The following HS3ST4 variants were observed in gnomAD, a reference collection of about 807,000 sequenced individuals.
The protein encoded by HS3ST4 is heparan sulfate glucosamine 3-O-sulfotransferase 4.
A neutral mutation model predicts 29.2 loss-of-function variants in HS3ST4; 17 were observed. The observed-to-expected ratio is 0.58, with a 90% CI of 0.40 to 0.87. The LOEUF is 0.87. HS3ST4 is among the 40% of genes least tolerant of loss of function. The pLI is 0.00. For missense variants in HS3ST4, 627 were observed against 634.5 expected (o/e 0.99, Z 0.13); for synonymous variants, 314 against 285.7 (o/e 1.10, Z -1.00).
At chr16:26,027,714 A>G (rs1385030615) in intron 1 of HS3ST4, among the ~76,000 whole-genome samples, 1 of 152,262 alleles carries the variant, frequency 6.6e-6, no homozygotes, top group East Asian at 1.9e-4. Flanking sequence ...CTAGGACCAT[A>G]ATAATCACAG....
intron 1 of HS3ST4, among the ~76,000 whole-genome samples, chr16:25,719,127 G>T (rs550816195): frequency 6.6e-6 from 1 of 152,202 alleles, no homozygotes; most frequent in Non-Finnish European, 1.5e-5. Context: ...TCTTAACATC[G>T]TGAGAGCTAG....
chr16:26,071,845 A>C (rs905497285), intron 1 of HS3ST4, among the ~76,000 whole-genome samples: 12 of 152,124 alleles, frequency 7.9e-5, no homozygotes, highest in African/African-American at 2.7e-4. Flanking sequence ...CCTCCCCTGG[A>C]ATGCACCTTT....
At chr16:26,016,725 T>C (rs1356291429) in intron 1 of HS3ST4, among the ~76,000 whole-genome samples, 1 of 152,220 alleles carries the variant, frequency 6.6e-6, no homozygotes, top group African/African-American at 2.4e-5. Context: ...TCAGGGAGTA[T>C]ATACTCTACT....
At chr16:26,065,712 G>A (rs141614905) in intron 1 of HS3ST4, among the ~76,000 whole-genome samples, 1 of 152,190 alleles carries the variant, frequency 6.6e-6, no homozygotes, top group Non-Finnish European at 1.5e-5. Context: ...AAGAGATAAA[G>A]AGGGAGAGGA....
intron 1 of HS3ST4, among the ~76,000 whole-genome samples, chr16:25,935,067 C>T (rs1968505649): frequency 6.6e-6 from 1 of 152,028 alleles, no homozygotes; most frequent in Non-Finnish European, 1.5e-5. Flanking sequence ...CTGGCATTTC[C>T]CCTGCTTGCT....
At chr16:25,931,164 T>A (rs577727523) in intron 1 of HS3ST4, among the ~76,000 whole-genome samples, 1 of 152,332 alleles carries the variant, frequency 6.6e-6, no homozygotes, top group East Asian at 1.9e-4. Context: ...TACCTTTCAA[T>A]GGAATTGTTT....
At chr16:25,753,921 A>C (rs1306069568) in intron 1 of HS3ST4, among the ~76,000 whole-genome samples, 1 of 152,202 alleles carries the variant, frequency 6.6e-6, no homozygotes, top group East Asian at 1.9e-4. Flanking sequence ...CAATGCCTTC[A>C]TGCAATTTGC....
At chr16:26,078,719 T>A (rs1898693961) in intron 1 of HS3ST4, among the ~76,000 whole-genome samples, 1 of 152,236 alleles carries the variant, frequency 6.6e-6, no homozygotes, top group Non-Finnish European at 1.5e-5. Context: ...TAAATTCAAC[T>A]ATTAATTTAT....
At chr16:25,817,933 A>G (rs28650439) in intron 1 of HS3ST4, among the ~76,000 whole-genome samples, 43,990 of 151,942 alleles carry the variant, frequency 0.29, 6,743 homozygotes, top group African/African-American at 0.36. Flanking sequence ...ACTGTATGTC[A>G]CTGGAAGGCA....
At chr16:26,047,129 A>T (rs750200557) in intron 1 of HS3ST4, among the ~76,000 whole-genome samples, 64 of 152,350 alleles carry the variant, frequency 4.2e-4, no homozygotes, top group Admixed American at 1.2e-3. Flanking sequence ...TAAGTGTAGG[A>T]AGTACTCATT....
intron 1 of HS3ST4, among the ~76,000 whole-genome samples, chr16:25,992,544 G>T (rs1012184880): frequency 6.6e-6 from 1 of 152,208 alleles, no homozygotes; most frequent in Admixed American, 6.5e-5. Context: ...ACACAGAAGA[G>T]TATCTTTGAC....
At chr16:25,756,053 A>G (rs1273490089) in intron 1 of HS3ST4, among the ~76,000 whole-genome samples, 1 of 151,992 alleles carries the variant, frequency 6.6e-6, no homozygotes, top group Non-Finnish European at 1.5e-5. Flanking sequence ...CTTGATCTTT[A>G]ATATGCAAAC....
chr16:25,915,182 T>C (rs1458748476), intron 1 of HS3ST4, among the ~76,000 whole-genome samples: 1 of 152,114 alleles, frequency 6.6e-6, no homozygotes, highest in African/African-American at 2.4e-5. Flanking sequence ...TGCTTCATTC[T>C]TCTTTGTATT....
At chr16:25,922,944 G>C (rs1406859373) in intron 1 of HS3ST4, among the ~76,000 whole-genome samples, 2 of 152,186 alleles carry the variant, frequency 1.3e-5, no homozygotes, top group Non-Finnish European at 2.9e-5. Flanking sequence ...AGGGCCATTG[G>C]TCAGTTTTCC....
rs1371928058 is a variant in HS3ST4 at position 25,828,242 on chromosome 16, C to CTTTCTTTTTCTATCTT, written c.734+135092_734+135093insTTCTTTTTCTATCTTT. On this transcript the variant is annotated intron_variant, in intron 1 of 1. Transcript: ENST00000331351. ...CTTTCCTTTCTTTCTTTCTTTCTTT[C>CTTTCTTTTTCTATCTT]TCTTTCTTTCTTTCTTTCTTTCTTT... Among the ~76,000 whole-genome samples the CTTTCTTTTTCTATCTT allele has an allele frequency of 1.1e-3, 85 of 75,034 alleles. 1 individual carries two copies. Among genetic ancestry groups the CTTTCTTTTTCTATCTT allele is most frequent in the Non-Finnish European group, 1.6e-3 (63 of 39,492 alleles). The allele number at this position is 75,034 out of a possible 152,430, so 49.2% of individuals were successfully genotyped here.
intron 1 of HS3ST4, among the ~76,000 whole-genome samples, chr16:25,986,884 C>A (rs1010785371): frequency 2.0e-5 from 3 of 152,184 alleles, no homozygotes; most frequent in Non-Finnish European, 2.9e-5. Flanking sequence ...TTTGCCACTG[C>A]GCTACATCTC....
At chr16:25,871,417 T>G (rs1967751640) in intron 1 of HS3ST4, among the ~76,000 whole-genome samples, 1 of 152,004 alleles carries the variant, frequency 6.6e-6, no homozygotes, top group African/African-American at 2.4e-5. Context: ...AGAAGGCAAA[T>G]CAACATTGGT....
intron 1 of HS3ST4, 121 bp from the exon 2 acceptor site, chr16:26,135,491 G>A: frequency 1.0e-6 from 1 of 968,590 alleles, no homozygotes. Context: ...ACTTGCAAGA[G>A]TTTATCAATT....
At chr16:25,933,399 GCTTTCCAC>G (rs1436810782) in intron 1 of HS3ST4, 1 of 516,472 alleles carries the variant, frequency 1.9e-6, no homozygotes, top group Non-Finnish European at 3.9e-6. Context: ...TCTTGAACTG[GCTTTCCAC>G]CTTCCATAGC....
Sources: allele counts gnomAD v4.1 joint callset (sites outside exome capture counted in the v4.1 genomes callset), GRCh38; gene constraint gnomAD v4.1.1; transcripts MANE v1.5; gene names NCBI Gene and HGNC (gene_info 2026-07-23, HGNC 2026-07-21).